The following ENOX1 variants were observed in gnomAD, a reference collection of about 807,000 sequenced individuals.
ENOX1 encodes the protein candidate growth-related and time keeping constitutive hydroquinone (NADH) oxidase.
ENOX1 carries 42 observed loss-of-function variants against 82.5 expected under a neutral mutation model. The observed-to-expected ratio is 0.51, with a 90% CI of 0.40 to 0.66. The LOEUF (loss-of-function observed/expected upper bound fraction) is 0.66. Among genes scored for constraint, ENOX1 ranks in the 30% least tolerant of loss-of-function variants. ENOX1 has a pLI of 0.00. For synonymous variants in ENOX1, 271 were observed against 282.2 expected (o/e 0.96, Z 0.40); for missense variants, 608 against 811.6 (o/e 0.75, Z 3.05).
chr13:43,567,650 G>A (rs984166076), intron 2 of ENOX1, among the ~76,000 whole-genome samples: 39 of 152,094 alleles, frequency 2.6e-4, no homozygotes, highest in African/African-American at 8.9e-4. Context: ...GAAAGGAACC[G>A]AGACACAGAG....
chr13:43,284,913 A>T (rs1336638142), intron 12 of ENOX1, among the ~76,000 whole-genome samples: 1 of 152,094 alleles, frequency 6.6e-6, no homozygotes, highest in Non-Finnish European at 1.5e-5. Context: ...CAATTATAAA[A>T]GAGGAGATAG....
intron 1 of ENOX1, among the ~76,000 whole-genome samples, chr13:43,682,224 G>A (rs1344566680): frequency 6.6e-6 from 1 of 152,054 alleles, no homozygotes; most frequent in African/African-American, 2.4e-5. Flanking sequence ...AGTATTCAAG[G>A]TAGCTATCTT....
chr13:43,266,174 C>T lies in ENOX1; in HGVS notation c.1555-720G>A, dbSNP rs74397732. On this transcript the variant is annotated intron_variant, in intron 13 of 16. Transcript: ENST00000690772. ...CGCAAAACAGACATTTAGAATCAGA[C>T]GGCAAAGGAAGAGGGTGAGCTGGCT... is the stretch of plus-strand genomic sequence containing the variant. Among the ~76,000 whole-genome samples, 865 of 152,254 alleles carry T rather than the reference C, an allele frequency of 5.7e-3. 3 individuals carry two copies. The highest frequency in any genetic ancestry group is 9.5e-3 in the Non-Finnish European group (646 of 68,016).
rs58818536 is a variant in ENOX1 at position 43,406,492 on chromosome 13, C to CT, written c.208+5423dup. ...TGTAGTTAATTGGGAAGTATGTTGT[C>CT]TTTTTTTTTTTTTTTTTTGAGACAG... On this transcript the variant is annotated intron_variant, in intron 5 of 16. Transcript: ENST00000690772. Among the ~76,000 whole-genome samples the CT allele has an allele frequency of 9.3e-4, 106 of 114,022 alleles. 1 individual carries two copies. Among genetic ancestry groups the CT allele is most frequent in the African/African-American group, 2.1e-3 (72 of 34,472 alleles). 74.8% of individuals were successfully genotyped at this position (114,022 alleles called of 152,430 possible).
At chr13:43,268,680 G>A (rs893183046) in intron 13 of ENOX1, among the ~76,000 whole-genome samples, 5 of 152,062 alleles carry the variant, frequency 3.3e-5, no homozygotes, top group Non-Finnish European at 7.4e-5. Flanking sequence ...AATATAAAAC[G>A]ATTATGTGTA....
intron 8 of ENOX1, among the ~76,000 whole-genome samples, chr13:43,351,038 T>C (rs1392491392): frequency 6.6e-6 from 1 of 152,240 alleles, no homozygotes. Context: ...TCTGTAGTTA[T>C]CACTGATTTC....
intron 1 of ENOX1, among the ~76,000 whole-genome samples, chr13:43,674,162 T>C (rs1350512874): frequency 6.6e-6 from 1 of 152,190 alleles, no homozygotes; most frequent in Non-Finnish European, 1.5e-5. Context: ...CACATGCATT[T>C]AACTCTTCAA....
rs965031276 is a variant in ENOX1 at position 43,376,874 on chromosome 13, C to T, written c.209-15422G>A. On this transcript the variant is annotated intron_variant, in intron 5 of 16. Transcript: ENST00000690772. ...CTACCAACCTCTTCCAATTGAAATC[C>T]GGGCACTTCTACCCTGGCCTCACCC... Among the ~76,000 whole-genome samples the T allele has an allele frequency of 3.3e-5, 5 of 152,198 alleles. No homozygotes were observed. In the East Asian group the frequency reaches 7.8e-4, roughly 24 times the overall value.
At chr13:43,422,421 C>T (rs2055031257) in intron 3 of ENOX1, among the ~76,000 whole-genome samples, 1 of 152,130 alleles carries the variant, frequency 6.6e-6, no homozygotes, top group African/African-American at 2.4e-5. Context: ...TTGGCATGCA[C>T]CACAGAGGAT....
At chr13:43,592,571 G>T (rs1349575438) in intron 2 of ENOX1, among the ~76,000 whole-genome samples, 1 of 152,110 alleles carries the variant, frequency 6.6e-6, no homozygotes, top group Non-Finnish European at 1.5e-5. Flanking sequence ...AATTAGTTTG[G>T]TTGGATTTTC....
At chr13:43,633,054 T>C (rs1206182203) in intron 2 of ENOX1, among the ~76,000 whole-genome samples, 1 of 152,198 alleles carries the variant, frequency 6.6e-6, no homozygotes, top group Non-Finnish European at 1.5e-5. Context: ...TGACTTTCGA[T>C]TTGACAATTC....
At chr13:43,526,027 A>G (rs1008641473) in intron 2 of ENOX1, among the ~76,000 whole-genome samples, 1 of 152,178 alleles carries the variant, frequency 6.6e-6, no homozygotes, top group Non-Finnish European at 1.5e-5. Flanking sequence ...CACAGAGAAC[A>G]GAGATGGTGC....
chr13:43,265,805 G>A (rs957834285), intron 13 of ENOX1, among the ~76,000 whole-genome samples: 1 of 152,198 alleles, frequency 6.6e-6, no homozygotes, highest in Non-Finnish European at 1.5e-5. Context: ...ACCCTGCAGT[G>A]TTTGCAAGTT....
chr13:43,710,652 T>C (rs2087629214), intron 1 of ENOX1, among the ~76,000 whole-genome samples: 2 of 151,778 alleles, frequency 1.3e-5, no homozygotes, highest in African/African-American at 4.8e-5. Context: ...CATAGAAAAA[T>C]TAACACAATC....
intron 2 of ENOX1, among the ~76,000 whole-genome samples, chr13:43,498,777 G>A (rs1467313302): frequency 1.3e-5 from 2 of 152,066 alleles, no homozygotes; most frequent in Non-Finnish European, 2.9e-5. Flanking sequence ...ACTCAAAGTA[G>A]TATCCCTAAC....
chr13:43,296,026 C>T (rs1307726149), intron 12 of ENOX1, among the ~76,000 whole-genome samples: 1 of 152,098 alleles, frequency 6.6e-6, no homozygotes, highest in East Asian at 1.9e-4. Flanking sequence ...CAGGATCCCA[C>T]ACAGCCCAGA....
At chr13:43,653,016 T>C (rs1451385991) in intron 2 of ENOX1, among the ~76,000 whole-genome samples, 1 of 152,186 alleles carries the variant, frequency 6.6e-6, no homozygotes, top group African/African-American at 2.4e-5. Flanking sequence ...TGTGTTTTAG[T>C]TGCCAAGGCA....
At chr13:43,747,545 C>G (rs917063493) in intron 1 of ENOX1, among the ~76,000 whole-genome samples, 1 of 152,174 alleles carries the variant, frequency 6.6e-6, no homozygotes, top group Admixed American at 6.5e-5. Context: ...AGGGTTGTGT[C>G]TTCACACTTC....
At chr13:43,782,925 T>C (rs962973331) in intron 1 of ENOX1, among the ~76,000 whole-genome samples, 13 of 152,198 alleles carry the variant, frequency 8.5e-5, no homozygotes, top group African/African-American at 2.4e-4. Flanking sequence ...TTTGGCAAGA[T>C]GGCTTTGATA....
Sources: gnomAD v4.1 joint callset for allele counts (sites outside exome capture counted in the v4.1 genomes callset) on GRCh38, gnomAD v4.1.1 for gene constraint, MANE v1.5 for transcripts, NCBI Gene and HGNC (gene_info 2026-07-23, HGNC 2026-07-21) for gene names.